CLCN5: variants seen among roughly 807,000 people sequenced by gnomAD.
The protein encoded by CLCN5 is H(+)/Cl(-) exchange transporter 5.
A neutral mutation model predicts 54.0 loss-of-function variants in CLCN5; 17 were observed. The ratio of observed to expected loss-of-function variants is 0.31; its 90% CI spans 0.22 to 0.47. CLCN5 has a LOEUF of 0.47. Among genes scored for constraint, CLCN5 ranks in the 20% least tolerant of loss-of-function variants. The pLI is 1.00. For missense variants in CLCN5, 448 were observed against 646.7 expected, an observed-to-expected ratio of 0.69 and a Z score of 3.33; for synonymous variants, 222 against 233.0, an observed-to-expected ratio of 0.95 and a Z score of 0.43.
At position 49,986,871 on chromosome X, in the gene CLCN5, T is replaced by G. The variant is rs1929014213; in HGVS notation, c.17-55445T>G. 1.8e-5 allele frequency among the ~76,000 whole-genome samples: 2 copies of G among 112,192 alleles called. 1 individual carries two copies. Among genetic ancestry groups the G allele is most frequent in the South Asian group, 7.4e-4 (2 of 2,717 alleles). Reference sequence around the variant, plus strand: ...TTCTTGATCATGGGACAATCATACTTCATTTTTTAAGGAACACATAGAAAC... The same window carrying G: ...TTCTTGATCATGGGACAATCATACTGCATTTTTTAAGGAACACATAGAAAC... On this transcript the variant is annotated intron_variant, in intron 3 of 14. Coordinates refer to ENST00000376091, the MANE Select transcript of CLCN5 (RefSeq NM_001127898.4).
At chrX:49,977,666 G>A (rs782291526) in intron 3 of CLCN5, among the ~76,000 whole-genome samples, 18 of 111,859 alleles carry the variant, frequency 1.6e-4, no homozygotes, top group Non-Finnish European at 2.3e-4. Context: ...GGACTTTTTC[G>A]AAATATCTGT....
At chrX:50,025,801 T>C (rs1341469785) in intron 3 of CLCN5, among the ~76,000 whole-genome samples, 1 of 111,621 alleles carries the variant, frequency 9.0e-6, no homozygotes, top group African/African-American at 3.3e-5. Flanking sequence ...TAGAGGTTTA[T>C]CAATTTTATT....
chrX:49,931,344 A>T (rs1049355621), intron 3 of CLCN5, among the ~76,000 whole-genome samples: 2 of 111,812 alleles, frequency 1.8e-5, no homozygotes, highest in Admixed American at 1.9e-4. Flanking sequence ...GTCTGAGAGG[A>T]TATATGCAAA....
intron 3 of CLCN5, among the ~76,000 whole-genome samples, chrX:50,038,643 A>G (rs1557186782): frequency 8.9e-6 from 1 of 112,213 alleles, no homozygotes; most frequent in African/African-American, 3.2e-5. Flanking sequence ...TAGCAATTAC[A>G]TATGGGTATT....
intron 3 of CLCN5, among the ~76,000 whole-genome samples, chrX:50,027,435 G>T (rs1162162697): frequency 8.9e-6 from 1 of 111,836 alleles, no homozygotes; most frequent in East Asian, 2.8e-4. Flanking sequence ...TTCAGTTTCA[G>T]AAGTTTCTGT....
At chrX:49,979,358 CAG>C (rs1224812227) in intron 3 of CLCN5, among the ~76,000 whole-genome samples, 3 of 111,383 alleles carry the variant, frequency 2.7e-5, no homozygotes, top group African/African-American at 9.8e-5. Context: ...ACAAATACAC[CAG>C]AGTTTATTTG....
intron 4 of CLCN5, among the ~76,000 whole-genome samples, chrX:50,063,178 T>G (rs1292030660): frequency 5.2e-5 from 5 of 95,816 alleles, no homozygotes; most frequent in African/African-American, 1.7e-4. Context: ...CTGAAGGAAA[T>G]AGAGACACAA....
rs1174157212 is a variant in CLCN5, at chrX:49,982,172, T to C, written c.16+56858T>C. Among the ~76,000 whole-genome samples, 3 of 111,310 alleles carry C rather than the reference T, an allele frequency of 2.7e-5. No homozygotes were observed. The East Asian group carries it at 8.4e-4, about 31-fold the overall frequency. On this transcript the variant is annotated intron_variant, in intron 3 of 14. Coordinates refer to ENST00000376091, the MANE Select transcript of CLCN5 (RefSeq NM_001127898.4). ...CATTATAAAATCCCTTTGAATGACT[T>C]GAAGGGCCCAGGGTAGCATAAATGT...
intron 3 of CLCN5, among the ~76,000 whole-genome samples, chrX:49,961,092 T>C (rs1372055975): frequency 8.9e-6 from 1 of 112,064 alleles, no homozygotes; most frequent in Non-Finnish European, 1.9e-5. Context: ...AGGTTGCCCA[T>C]GCCTGTTTAG....
At chrX:49,996,548 A>G (rs1929530415) in intron 3 of CLCN5, among the ~76,000 whole-genome samples, 2 of 112,617 alleles carry the variant, frequency 1.8e-5, no homozygotes, top group Admixed American at 9.4e-5. Flanking sequence ...CACAGTCTTC[A>G]TGTCCATCTG....
At position 50,090,854 on chromosome X, in the gene CLCN5, G is replaced by C. The variant is rs782275614; in HGVS notation, c.2328G>C (p.Leu776=). ...TCGTAGTGGATATTTTCCGAAAGCT[G>C]GGACTGCGGCAGTGCCTGGTTACAC... is the stretch of plus-strand genomic sequence containing the variant. ...MEIVVDIFRK[L]GLRQCLVTHN... Residue 776 remains leucine, a synonymous_variant, in exon 14 of 15, where the codon CTG becomes CTC. Coordinates refer to ENST00000376091, the MANE Select transcript of CLCN5 (RefSeq NM_001127898.4). 2.5e-6 allele frequency: 3 copies of C among 1,209,185 alleles called. No individual in the cohort carries two copies. In the South Asian group the frequency reaches 5.3e-5, roughly 21 times the overall value.
At chrX:49,954,005 AATTT>A (rs56690847) in intron 3 of CLCN5, among the ~76,000 whole-genome samples, 3,508 of 111,777 alleles carry the variant, frequency 0.031, 131 homozygotes, top group African/African-American at 0.11. Flanking sequence ...GGCACTTTTA[AATTT>A]ATTTATAAGT....
chrX:49,972,211 AC>A (rs782602494), intron 3 of CLCN5, among the ~76,000 whole-genome samples: 7 of 107,066 alleles, frequency 6.5e-5, no homozygotes, highest in African/African-American at 2.4e-4. Flanking sequence ...ATGGCCCTTT[AC>A]CCCCAAATAA....
chrX:50,050,208 T>G (rs1223623249), intron 4 of CLCN5: 2 of 112,055 alleles, frequency 1.8e-5, no homozygotes, highest in African/African-American at 6.5e-5. Context: ...ATCAAGTAAG[T>G]AAGTATTTAG....
rs781939734 is a variant in CLCN5 at position 49,953,186 on chromosome X, G to A, written c.16+27872G>A. 5.4e-5 allele frequency among the ~76,000 whole-genome samples: 6 copies of A among 111,224 alleles called. No homozygotes were observed. The South Asian group carries it at 1.1e-3, about 21-fold the overall frequency. On this transcript the variant is annotated intron_variant, in intron 3 of 14. Coordinates refer to ENST00000376091, the MANE Select transcript of CLCN5 (RefSeq NM_001127898.4). ...CAGGCGTGAGCCACTGTGCCCGGCC[G>A]TGTGTGTGTAACTTTAATAAAAAAT... is the stretch of plus-strand genomic sequence containing the variant.
chrX:50,028,435 G>A (rs782809954), intron 3 of CLCN5, among the ~76,000 whole-genome samples: 2 of 111,693 alleles, frequency 1.8e-5, no homozygotes, highest in South Asian at 3.8e-4. Context: ...GGGCTCCCTG[G>A]AGTTTTTAAG....
At chrX:50,049,439 A>C (rs782105803) in intron 4 of CLCN5, among the ~76,000 whole-genome samples, 3 of 112,071 alleles carry the variant, frequency 2.7e-5, no homozygotes, top group Non-Finnish European at 5.6e-5. Context: ...ATTTCTCAGA[A>C]TGTATCCCCA....
At chrX:50,018,896 G>T (rs1026844601) in intron 3 of CLCN5, among the ~76,000 whole-genome samples, 1 of 111,734 alleles carries the variant, frequency 8.9e-6, no homozygotes, top group Non-Finnish European at 1.9e-5. Context: ...GTTCATGGGA[G>T]ATATTGGTCT....
intron 3 of CLCN5, among the ~76,000 whole-genome samples, chrX:49,955,476 C>G (rs937979047): frequency 5.5e-5 from 6 of 109,926 alleles, no homozygotes; most frequent in Non-Finnish European, 9.5e-5. Context: ...ATAAGCATAG[C>G]CACTGTAAAA....
Sources: allele counts gnomAD v4.1 joint callset (sites outside exome capture counted in the v4.1 genomes callset), GRCh38; gene constraint gnomAD v4.1.1; transcripts MANE v1.5; gene names NCBI Gene and HGNC (gene_info 2026-07-23, HGNC 2026-07-21).